MACROD2: variants seen among roughly 807,000 people sequenced by gnomAD.
MACROD2 encodes ADP-ribose glycohydrolase MACROD2.
A neutral mutation model predicts 70.4 loss-of-function variants in MACROD2; 36 were observed. The observed-to-expected ratio is 0.51, with a 90% CI of 0.39 to 0.68. MACROD2 has a LOEUF of 0.68. Among genes scored for constraint, MACROD2 ranks in the 30% least tolerant of loss-of-function variants. The pLI is 0.00. For missense variants in MACROD2, 496 were observed against 538.4 expected, an observed-to-expected ratio of 0.92 and a Z score of 0.78; for synonymous variants, 172 against 178.8, an observed-to-expected ratio of 0.96 and a Z score of 0.30.
intron 3 of MACROD2, among the ~76,000 whole-genome samples, chr20:14,159,935 G>A (rs1222619865): frequency 1.3e-5 from 2 of 152,088 alleles, no homozygotes; most frequent in African/African-American, 2.4e-5. Context: ...TGATGAAGTG[G>A]TGCTGATTTT....
intron 5 of MACROD2, among the ~76,000 whole-genome samples, chr20:15,111,897 C>T (rs2075958285): frequency 6.6e-6 from 1 of 152,234 alleles, no homozygotes; most frequent in Non-Finnish European, 1.5e-5. Context: ...GGCACCTCCA[C>T]TCAGCCCCTG....
intron 8 of MACROD2, among the ~76,000 whole-genome samples, chr20:15,608,903 T>C (rs1338308341): frequency 6.6e-6 from 1 of 152,224 alleles, no homozygotes; most frequent in Non-Finnish European, 1.5e-5. Flanking sequence ...TTATTTCTGC[T>C]TTTATCTTTT....
At chr20:14,963,810 A>G (rs111762119) in intron 5 of MACROD2, among the ~76,000 whole-genome samples, 4 of 152,192 alleles carry the variant, frequency 2.6e-5, no homozygotes, top group African/African-American at 9.7e-5. Context: ...AAGGATCCTC[A>G]AATCTTATAG....
chr20:14,789,637 G>A (rs935233865), intron 5 of MACROD2, among the ~76,000 whole-genome samples: 1 of 151,348 alleles, frequency 6.6e-6, no homozygotes, highest in African/African-American at 2.4e-5. Context: ...CACCATGCCT[G>A]GCTAATTTTT....
intron 7 of MACROD2, among the ~76,000 whole-genome samples, chr20:15,439,432 T>A (rs1274792744): frequency 1.3e-5 from 2 of 152,176 alleles, no homozygotes; most frequent in Non-Finnish European, 2.9e-5. Context: ...AGCATACCCA[T>A]TTCCTGGAAA....
At chr20:14,666,100 ACT>A (rs2070734203) in intron 4 of MACROD2, among the ~76,000 whole-genome samples, 1 of 151,976 alleles carries the variant, frequency 6.6e-6, no homozygotes, top group Non-Finnish European at 1.5e-5. Flanking sequence ...TGGTTTTATG[ACT>A]CTGCTGAAAT....
intron 8 of MACROD2, among the ~76,000 whole-genome samples, chr20:15,545,649 G>A (rs1448436516): frequency 6.6e-6 from 1 of 152,186 alleles, no homozygotes; most frequent in East Asian, 1.9e-4. Flanking sequence ...AGATGTTTGT[G>A]ACCAGAGGTC....
intron 5 of MACROD2, among the ~76,000 whole-genome samples, chr20:14,897,311 T>C (rs1177158012): frequency 6.6e-6 from 1 of 152,140 alleles, no homozygotes; most frequent in African/African-American, 2.4e-5. Context: ...TACAGTCTTA[T>C]CAAATTCTGA....
chr20:14,957,617 G>T (rs2074548362), intron 5 of MACROD2, among the ~76,000 whole-genome samples: 1 of 152,148 alleles, frequency 6.6e-6, no homozygotes, highest in South Asian at 2.1e-4. Context: ...GCTCAGCAGG[G>T]AGGAGTGCAG....
At chr20:14,862,188 T>A (rs1332695967) in intron 5 of MACROD2, among the ~76,000 whole-genome samples, 2 of 4,536 alleles carry the variant, frequency 4.4e-4, no homozygotes, top group African/African-American at 1.1e-3. Context: ...TAAATATATA[T>A]TTATACATAA....
chr20:14,824,860 T>C (rs1319434857), intron 5 of MACROD2, among the ~76,000 whole-genome samples: 1 of 152,112 alleles, frequency 6.6e-6, no homozygotes, highest in Non-Finnish European at 1.5e-5. Context: ...TAGTGTTTAT[T>C]GAGGTACTAC....
Position 15,869,238 on chromosome 20 carries a change from T to TATATAGAGAG in MACROD2, c.727+6413_727+6414insTATAGAGAGA. Among the ~76,000 whole-genome samples the TATATAGAGAG allele has an allele frequency of 3.1e-3, 87 of 28,286 alleles. 3 individuals are homozygous for TATATAGAGAG. The highest frequency in any genetic ancestry group is 0.01 in the East Asian group (11 of 1,064). 18.6% of individuals were successfully genotyped at this position (28,286 alleles called of 152,430 possible). On this transcript the variant is annotated intron_variant, in intron 9 of 17. Coordinates refer to ENST00000684519, the MANE Select transcript of MACROD2 (RefSeq NM_001351661.2). ...ATATATATATATATATATATATATA[T>TATATAGAGAG]AGAGAGAGAGAGAGAGAGAGAGAGA...
At chr20:15,984,598 A>G (rs2066450627) in intron 13 of MACROD2, among the ~76,000 whole-genome samples, 1 of 151,820 alleles carries the variant, frequency 6.6e-6, no homozygotes, top group Admixed American at 6.6e-5. Context: ...ACAAGAATTT[A>G]CTATATAACA....
At chr20:14,688,313 T>A (rs1394078336) in intron 5 of MACROD2, among the ~76,000 whole-genome samples, 2 of 152,186 alleles carry the variant, frequency 1.3e-5, no homozygotes. Flanking sequence ...ACTTCATAGT[T>A]TTGAACTGGT....
rs545162232 is a variant in MACROD2, at chr20:14,522,164, A to C, written c.301+28656A>C. Among the ~76,000 whole-genome samples, 3 of 152,308 alleles carry C rather than the reference A, an allele frequency of 2.0e-5. No individual in the cohort carries two copies. The South Asian group carries it at 6.2e-4, about 32-fold the overall frequency. On this transcript the variant is annotated intron_variant, in intron 4 of 17. Transcript: ENST00000684519. ...TCTTTTGGGTGAAATGGTGTTAAAT[A>C]TAATATATTTGAAAACGATTGGGTT...
chr20:15,961,946 A>C (rs1020379641), intron 12 of MACROD2, among the ~76,000 whole-genome samples: 2 of 152,252 alleles, frequency 1.3e-5, no homozygotes, highest in Non-Finnish European at 2.9e-5. Context: ...AGTCACAGAC[A>C]ACTGAAAATA....
chr20:14,716,881 A>T (rs2071402762), intron 5 of MACROD2, among the ~76,000 whole-genome samples: 1 of 152,158 alleles, frequency 6.6e-6, no homozygotes, highest in Non-Finnish European at 1.5e-5. Flanking sequence ...AACCTGGCAT[A>T]TTAATTGGCT....
chr20:15,756,656 C>A (rs1472381735), intron 8 of MACROD2, among the ~76,000 whole-genome samples: 1 of 152,166 alleles, frequency 6.6e-6, no homozygotes, highest in Non-Finnish European at 1.5e-5. Context: ...GAATAACCAA[C>A]AACACCTGCT....
chr20:14,014,354 T>C (rs886866883), intron 2 of MACROD2, among the ~76,000 whole-genome samples: 1 of 152,180 alleles, frequency 6.6e-6, no homozygotes, highest in South Asian at 2.1e-4. Context: ...TTGTCTTTTC[T>C]GAAATATTTA....
Sources: gnomAD v4.1 joint callset for allele counts (sites outside exome capture counted in the v4.1 genomes callset) on GRCh38, gnomAD v4.1.1 for gene constraint, MANE v1.5 for transcripts, NCBI Gene and HGNC (gene_info 2026-07-23, HGNC 2026-07-21) for gene names.